CADM1: variants seen among roughly 807,000 people sequenced by gnomAD.
CADM1 encodes cell adhesion molecule 1.
CADM1 carries 15 observed loss-of-function variants against 53.1 expected under a neutral mutation model. That is an observed-to-expected ratio of 0.28 (90% CI 0.19 to 0.44). The LOEUF is 0.44. Ranked by LOEUF, CADM1 falls within the 20% of genes least tolerant of loss-of-function variation. The pLI, the probability that CADM1 is intolerant of heterozygous loss-of-function variation, is 1.00. For missense variants in CADM1, 434 were observed against 611.3 expected (o/e 0.71, Z 3.06); for synonymous variants, 281 against 243.0 (o/e 1.16, Z -1.45).
At chr11:115,285,587 T>C (rs759244529) in intron 1 of CADM1, among the ~76,000 whole-genome samples, 1 of 152,170 alleles carries the variant, frequency 6.6e-6, no homozygotes, top group Non-Finnish European at 1.5e-5. Flanking sequence ...GGGCTAGAAA[T>C]ATAAAGAAAA....
intron 1 of CADM1, among the ~76,000 whole-genome samples, chr11:115,331,059 A>G (rs530250777): frequency 1.8e-4 from 27 of 152,310 alleles, no homozygotes; most frequent in African/African-American, 6.5e-4. Flanking sequence ...CGGCAACTCC[A>G]TCTGATTTCA....
intron 1 of CADM1, among the ~76,000 whole-genome samples, chr11:115,387,900 TAAAA>T (rs575681501): frequency 6.9e-6 from 1 of 144,288 alleles, no homozygotes; most frequent in Admixed American, 7.0e-5. Context: ...CTTTCTCCTC[TAAAA>T]AAAAAACAAA....
intron 1 of CADM1, among the ~76,000 whole-genome samples, chr11:115,476,916 G>A: frequency 6.6e-6 from 1 of 151,872 alleles, no homozygotes; most frequent in Non-Finnish European, 1.5e-5. Context: ...CAAGCCCTTT[G>A]GTAATTTTAT....
At chr11:115,210,301 A>G (rs769963131) in intron 7 of CADM1, among the ~76,000 whole-genome samples, 50 of 152,256 alleles carry the variant, frequency 3.3e-4, no homozygotes, top group Non-Finnish European at 8.8e-5. Flanking sequence ...AATATTAATA[A>G]GTTGCCTTTG....
At chr11:115,415,774 G>A (rs1273771850) in intron 1 of CADM1, among the ~76,000 whole-genome samples, 1 of 128,866 alleles carries the variant, frequency 7.8e-6, no homozygotes, top group Admixed American at 9.1e-5. Flanking sequence ...AGGCAGAGCT[G>A]AGATTGCTCC....
At chr11:115,287,162 G>T (rs1943750564) in intron 1 of CADM1, among the ~76,000 whole-genome samples, 1 of 152,194 alleles carries the variant, frequency 6.6e-6, no homozygotes, top group South Asian at 2.1e-4. Context: ...GACATGCTAT[G>T]CAAGAAAAGG....
intron 1 of CADM1, among the ~76,000 whole-genome samples, chr11:115,493,157 CA>C (rs1218807991): frequency 6.6e-6 from 1 of 150,934 alleles, no homozygotes. Flanking sequence ...ACATGAAATA[CA>C]AAAGAGCTTA....
intron 8 of CADM1, among the ~76,000 whole-genome samples, chr11:115,200,598 C>T (rs897944874): frequency 3.3e-5 from 5 of 152,124 alleles, no homozygotes; most frequent in African/African-American, 7.2e-5. Flanking sequence ...TGCATTCAAG[C>T]GATTCTCCTG....
At chr11:115,301,595 A>C (rs1944222654) in intron 1 of CADM1, among the ~76,000 whole-genome samples, 1 of 152,060 alleles carries the variant, frequency 6.6e-6, no homozygotes, top group East Asian at 1.9e-4. Flanking sequence ...TACTTTACTG[A>C]TCATATAGCC....
intron 1 of CADM1, among the ~76,000 whole-genome samples, chr11:115,288,016 T>C (rs1404257292): frequency 6.6e-6 from 1 of 152,162 alleles, no homozygotes; most frequent in African/African-American, 2.4e-5. Context: ...ATATTTCATA[T>C]AGGGTGGTCA....
intron 1 of CADM1, chr11:115,397,281 T>C (rs1947024995): frequency 6.6e-6 from 1 of 152,150 alleles, no homozygotes; most frequent in African/African-American, 2.4e-5. Context: ...GATTGGTAAC[T>C]AATGGGTAAT....
At chr11:115,299,382 TG>T (rs1944160943) in intron 1 of CADM1, among the ~76,000 whole-genome samples, 1 of 152,202 alleles carries the variant, frequency 6.6e-6, no homozygotes, top group Non-Finnish European at 1.5e-5. Context: ...CAAATTTTTT[TG>T]TTTACCAGCA....
At chr11:115,448,985 C>T (rs957723875) in intron 1 of CADM1, among the ~76,000 whole-genome samples, 4 of 152,152 alleles carry the variant, frequency 2.6e-5, no homozygotes, top group Admixed American at 2.6e-4. Flanking sequence ...TGTATTTTTA[C>T]TTCTGTCTGA....
intron 1 of CADM1, among the ~76,000 whole-genome samples, chr11:115,362,142 G>T (rs907283711): frequency 6.6e-6 from 1 of 152,152 alleles, no homozygotes; most frequent in African/African-American, 2.4e-5. Flanking sequence ...ATATTATTCA[G>T]AAACAAGTCC....
intron 1 of CADM1, among the ~76,000 whole-genome samples, chr11:115,332,708 C>T (rs563523805): frequency 5.3e-5 from 8 of 152,148 alleles, no homozygotes; most frequent in African/African-American, 1.2e-4. Context: ...CTTTGCTTGA[C>T]GCCTCCACTG....
At chr11:115,238,275 C>T (rs1190856465) in intron 3 of CADM1, among the ~76,000 whole-genome samples, 1 of 152,182 alleles carries the variant, frequency 6.6e-6, no homozygotes, top group African/African-American at 2.4e-5. Flanking sequence ...GCTTCTGAAG[C>T]TTGAGGGTTG....
At chr11:115,317,326 G>C (rs1944694116) in intron 1 of CADM1, among the ~76,000 whole-genome samples, 1 of 151,976 alleles carries the variant, frequency 6.6e-6, no homozygotes, top group Non-Finnish European at 1.5e-5. Flanking sequence ...ATTTAAATAG[G>C]GCCTGTGGGT....
At chr11:115,215,862 C>G (rs184795994) in intron 6 of CADM1, among the ~76,000 whole-genome samples, 3 of 152,304 alleles carry the variant, frequency 2.0e-5, no homozygotes, top group Non-Finnish European at 4.4e-5. Flanking sequence ...CTAGGAGCAG[C>G]GACACGACAA....
intron 1 of CADM1, among the ~76,000 whole-genome samples, chr11:115,388,373 T>C (rs1946752817): frequency 6.6e-6 from 1 of 152,110 alleles, no homozygotes; most frequent in Non-Finnish European, 1.5e-5. Flanking sequence ...AAAGACTGGT[T>C]CAAGCAAGGA....
Sources: gnomAD v4.1 joint callset for allele counts (sites outside exome capture counted in the v4.1 genomes callset) on GRCh38, gnomAD v4.1.1 for gene constraint, MANE v1.5 for transcripts, NCBI Gene and HGNC (gene_info 2026-07-23, HGNC 2026-07-21) for gene names.